The following FOXO3 variants were observed in gnomAD, a reference collection of about 807,000 sequenced individuals.
FOXO3 encodes the protein forkhead box O3.
Under a neutral mutation model 41.9 loss-of-function variants are expected in FOXO3, and 4 were observed. That is an observed-to-expected ratio of 0.10 (90% CI 0.05 to 0.22). The LOEUF is 0.22. Ranked by LOEUF, FOXO3 falls within the 10% of genes least tolerant of loss-of-function variation. The probability of loss-of-function intolerance (pLI) is 1.00; values close to 1 mark genes in which losing one functional copy is unlikely to be tolerated. For synonymous variants in FOXO3, 318 were observed against 389.3 expected (o/e 0.82, Z 2.16); for missense variants, 534 against 906.8 (o/e 0.59, Z 5.28).
chr6:108,651,049 G>T (rs1778536902), intron 1 of FOXO3, among the ~76,000 whole-genome samples: 1 of 152,228 alleles, frequency 6.6e-6, no homozygotes, highest in Non-Finnish European at 1.5e-5. Context: ...GGTTAAAGAA[G>T]GCAGTCCCTC....
intron 1 of FOXO3, chr6:108,656,471 T>A: frequency 1.0e-6 from 1 of 985,406 alleles, no homozygotes; most frequent in Non-Finnish European, 1.2e-6. Flanking sequence ...TTTTAAAGTT[T>A]GAAATCCTTT....
At chr6:108,606,818 CTGTTG>C (rs1460953085) in intron 1 of FOXO3, among the ~76,000 whole-genome samples, 2 of 152,180 alleles carry the variant, frequency 1.3e-5, no homozygotes, top group South Asian at 2.1e-4. Flanking sequence ...TATTTGACCA[CTGTTG>C]TGTGTGATTT....
chr6:108,642,594 A>G (rs1443613759), intron 1 of FOXO3, among the ~76,000 whole-genome samples: 1 of 152,160 alleles, frequency 6.6e-6, no homozygotes, highest in East Asian at 1.9e-4. Flanking sequence ...GCTTCTCCAC[A>G]CTTGCCAGAT....
rs966048445 is a variant in FOXO3, at chr6:108,586,004, A to C, written c.621+24175A>C. ...ATCCCACTTTCTCAGCCGGCTTCCT[A>C]CTTTTTCACTGCCTCTGAAATAGAC... On this transcript the variant is annotated intron_variant, in intron 1 of 2. Coordinates refer to ENST00000406360, the MANE Select transcript of FOXO3 (RefSeq NM_001455.4). Among the ~76,000 whole-genome samples, 3 of 152,090 alleles carry C rather than the reference A, an allele frequency of 2.0e-5. No homozygotes were observed. The South Asian group carries it at 6.2e-4, about 31-fold the overall frequency.
At chr6:108,679,325 C>T (rs1017249124) in intron 2 of FOXO3, among the ~76,000 whole-genome samples, 2 of 151,960 alleles carry the variant, frequency 1.3e-5, no homozygotes, top group South Asian at 2.1e-4. Context: ...TTGGGGTATT[C>T]GTGGAAAAGG....
At chr6:108,676,486 C>G (rs1389188512) in intron 2 of FOXO3, among the ~76,000 whole-genome samples, 1 of 152,154 alleles carries the variant, frequency 6.6e-6, no homozygotes, top group African/African-American at 2.4e-5. Context: ...AAGGGACCGC[C>G]CCCCTCAGCC....
intron 1 of FOXO3, among the ~76,000 whole-genome samples, chr6:108,573,460 C>T (rs1468275642): frequency 1.3e-5 from 2 of 152,204 alleles, no homozygotes; most frequent in Non-Finnish European, 2.9e-5. Context: ...CAGCACCTCT[C>T]TGTGTGCTGG....
chr6:108,605,479 AC>A (rs1223646608), intron 1 of FOXO3, among the ~76,000 whole-genome samples: 1 of 152,144 alleles, frequency 6.6e-6, no homozygotes, highest in Non-Finnish European at 1.5e-5. Flanking sequence ...CTGAGCATTC[AC>A]TATGTGTCTG....
At chr6:108,672,989 A>C (rs902932488) in intron 2 of FOXO3, among the ~76,000 whole-genome samples, 1 of 152,228 alleles carries the variant, frequency 6.6e-6, no homozygotes, top group African/African-American at 2.4e-5. Flanking sequence ...GTTAATTTCC[A>C]GTAGGCCTTC....
intron 1 of FOXO3, among the ~76,000 whole-genome samples, chr6:108,604,922 A>T (rs985134816): frequency 6.6e-6 from 1 of 152,170 alleles, no homozygotes; most frequent in African/African-American, 2.4e-5. Context: ...AAGAGAGAAA[A>T]AGGTATTTGA....
chr6:108,679,062 G>T (rs550328108), intron 2 of FOXO3, among the ~76,000 whole-genome samples: 3 of 151,286 alleles, frequency 2.0e-5, no homozygotes, highest in South Asian at 4.3e-4. Context: ...TAGTAGAGAC[G>T]GGGTTTCACC....
chr6:108,673,824 A>T (rs994722686), intron 2 of FOXO3, among the ~76,000 whole-genome samples: 1 of 152,156 alleles, frequency 6.6e-6, no homozygotes, highest in Non-Finnish European at 1.5e-5. Context: ...ACACCCAGCA[A>T]ACATAAACAT....
intron 1 of FOXO3, among the ~76,000 whole-genome samples, chr6:108,575,127 TTC>T (rs1776228496): frequency 6.6e-6 from 1 of 152,190 alleles, no homozygotes; most frequent in African/African-American, 2.4e-5. Flanking sequence ...TGAAAACTGG[TTC>T]TCTCTTTTTA....
At chr6:108,619,099 T>G (rs1238117472) in intron 1 of FOXO3, among the ~76,000 whole-genome samples, 1 of 152,238 alleles carries the variant, frequency 6.6e-6, no homozygotes. Context: ...GGTTTTCTAG[T>G]TGTTCCTCTA....
chr6:108,579,822 T>TTG (rs929016134), intron 1 of FOXO3, among the ~76,000 whole-genome samples: 4 of 152,104 alleles, frequency 2.6e-5, no homozygotes, highest in African/African-American at 7.2e-5. Context: ...CCCCCAGTCC[T>TTG]TGGCTTCTGT....
At chr6:108,596,382 G>GAAAAAAAA (rs61683111) in intron 1 of FOXO3, among the ~76,000 whole-genome samples, 11 of 58,226 alleles carry the variant, frequency 1.9e-4, no homozygotes, top group South Asian at 5.3e-4. Flanking sequence ...TGGCCTAAAT[G>GAAAAAAAA]AAAAAAAAAA....
intron 1 of FOXO3, chr6:108,656,264 AAGATAAATTGATACC>A: frequency 1.9e-6 from 1 of 527,024 alleles, no homozygotes; most frequent in East Asian, 1.5e-4. Flanking sequence ...GTTGCTGAGA[AAGATAAATTGATACC>A]ACATGTTGCT....
At chr6:108,590,783 C>A (rs944299902) in intron 1 of FOXO3, among the ~76,000 whole-genome samples, 2 of 152,176 alleles carry the variant, frequency 1.3e-5, no homozygotes, top group Non-Finnish European at 2.9e-5. Flanking sequence ...ATTTTGGATG[C>A]CTTGCTTGCA....
intron 1 of FOXO3, among the ~76,000 whole-genome samples, chr6:108,566,986 G>T (rs536253284): frequency 6.6e-6 from 1 of 152,338 alleles, no homozygotes; most frequent in African/African-American, 2.4e-5. Flanking sequence ...TGCTTGCAGA[G>T]CATTTGCCAG....
Sources: gnomAD v4.1 joint callset for allele counts (sites outside exome capture counted in the v4.1 genomes callset) on GRCh38, gnomAD v4.1.1 for gene constraint, MANE v1.5 for transcripts, NCBI Gene and HGNC (gene_info 2026-07-23, HGNC 2026-07-21) for gene names.